Variants in TECPR2 observed in about 807,000 individuals in gnomAD.
TECPR2 encodes the protein tectonin beta-propeller repeat containing 2, also known as tectonin beta-propeller repeat-containing protein 2.
TECPR2 carries 65 observed loss-of-function variants against 138.1 expected under a neutral mutation model. That is an observed-to-expected ratio of 0.47 (90% CI 0.39 to 0.58). The LOEUF (loss-of-function observed/expected upper bound fraction) is 0.58, where lower values mean the gene tolerates loss of function less well. TECPR2 is among the 20% of genes least tolerant of loss of function. The probability of loss-of-function intolerance (pLI) is 0.00; values close to 1 mark genes in which losing one functional copy is unlikely to be tolerated. For missense variants in TECPR2, 1,553 were observed against 1,824.5 expected (o/e 0.85, Z 2.71); for synonymous variants, 746 against 749.8 (o/e 0.99, Z 0.08).
In TECPR2 at chr14:102,420,220, A is replaced by G. The variant is rs877105; in HGVS notation, c.639-4759A>G. Among the ~76,000 whole-genome samples, 5,297 of 152,286 alleles carry G rather than the reference A, an allele frequency of 0.035. 107 individuals are homozygous for G. Among genetic ancestry groups the G allele is most frequent in the Middle Eastern group, 0.092 (27 of 294 alleles). On this transcript the variant is annotated intron_variant, in intron 5 of 19. Transcript: ENST00000359520. The surrounding 1 kb of genome is among the most constrained non-coding windows in gnomAD (Gnocchi z 4.1). ...GAATTAAAATTTTTTTAGGTAATCA[A>G]TGAGGTTTTTGGAAATCATCTCTAC...
chr14:102,377,607 G>A (rs975371562), intron 2 of TECPR2, among the ~76,000 whole-genome samples: 2 of 152,174 alleles, frequency 1.3e-5, no homozygotes, highest in Admixed American at 1.3e-4. Context: ...TCAGGAGGCT[G>A]AGACAGGAGA....
intron 13 of TECPR2, among the ~76,000 whole-genome samples, chr14:102,448,728 G>A (rs112077627): frequency 1.8e-3 from 275 of 152,128 alleles, no homozygotes; most frequent in African/African-American, 6.2e-3. Flanking sequence ...TTAGCCGGCT[G>A]TTGTGGCGTG....
At chr14:102,402,819 A>G (rs1888527754) in intron 2 of TECPR2, among the ~76,000 whole-genome samples, 1 of 152,174 alleles carries the variant, frequency 6.6e-6, no homozygotes, top group African/African-American at 2.4e-5. Flanking sequence ...AGAAACACAA[A>G]ACCTACTGAG....
At chr14:102,367,903 TAGTGGGTATGA>T (rs1329969712) in intron 1 of TECPR2, among the ~76,000 whole-genome samples, 2 of 151,250 alleles carry the variant, frequency 1.3e-5, no homozygotes, top group African/African-American at 2.4e-5. Flanking sequence ...GTTCATACCC[TAGTGGGTATGA>T]AGTGGTATCT....
At chr14:102,377,305 C>T (rs1235379285) in intron 2 of TECPR2, among the ~76,000 whole-genome samples, 2 of 152,178 alleles carry the variant, frequency 1.3e-5, no homozygotes, top group African/African-American at 2.4e-5. Context: ...ACAGGGATGA[C>T]TGCCACACCC....
chr14:102,424,748 G>T (rs961409291), intron 5 of TECPR2, among the ~76,000 whole-genome samples: 3 of 152,194 alleles, frequency 2.0e-5, no homozygotes, highest in Non-Finnish European at 4.4e-5. Context: ...CTCAGTGAAT[G>T]GTTCCCTGTG....
intron 1 of TECPR2, among the ~76,000 whole-genome samples, chr14:102,367,829 G>C (rs1887385188): frequency 6.6e-6 from 1 of 151,984 alleles, no homozygotes; most frequent in South Asian, 2.1e-4. Flanking sequence ...GCCCACTGGT[G>C]GCTGCACCAT....
intron 16 of TECPR2, among the ~76,000 whole-genome samples, chr14:102,457,748 T>C (rs988836168): frequency 9.2e-5 from 14 of 151,890 alleles, no homozygotes; most frequent in African/African-American, 2.9e-4. Context: ...CAGTAGGGGG[T>C]GCACACAGCA....
intron 2 of TECPR2, among the ~76,000 whole-genome samples, chr14:102,397,582 AC>A (rs1354058509): frequency 1.3e-5 from 2 of 151,296 alleles, no homozygotes; most frequent in Admixed American, 6.6e-5. Context: ...CCCTGTCTCT[AC>A]TAAAAATACA....
At chr14:102,424,684 G>T (rs1889266722) in intron 5 of TECPR2, among the ~76,000 whole-genome samples, 1 of 152,184 alleles carries the variant, frequency 6.6e-6, no homozygotes, top group African/African-American at 2.4e-5. Flanking sequence ...TTGTTGTAAG[G>T]ATTAGACACG....
rs1473569032 is a variant in TECPR2 at position 102,384,699 on chromosome 14, A to ATG, written c.219+7773_219+7774dup. Among the ~76,000 whole-genome samples the ATG allele has an allele frequency of 3.6e-4, 52 of 145,504 alleles. 2 individuals carry two copies. The highest frequency in any genetic ancestry group is 4.5e-4 in the African/African-American group (17 of 38,030). ...CTCAAAAAAAAATATATATATATAT[A>ATG]TGTGTGTGTGTGTGTATATATATAT... is the stretch of plus-strand genomic sequence containing the variant. On this transcript the variant is annotated intron_variant, in intron 2 of 19. Coordinates refer to ENST00000359520, the MANE Select transcript of TECPR2 (RefSeq NM_014844.5).
chr14:102,435,567 G>A (rs1437360352), intron 9 of TECPR2, among the ~76,000 whole-genome samples: 1 of 152,194 alleles, frequency 6.6e-6, no homozygotes, highest in Non-Finnish European at 1.5e-5. Flanking sequence ...AGTGGGCAGA[G>A]GACTGTCCAC....
intron 8 of TECPR2, among the ~76,000 whole-genome samples, chr14:102,433,197 A>G (rs1889559727): frequency 6.6e-6 from 1 of 151,192 alleles, no homozygotes; most frequent in Non-Finnish European, 1.5e-5. Context: ...TTTTTTTTCA[A>G]CTTTTATTTT....
At chr14:102,483,042 G>A (rs1256234480) in intron 17 of TECPR2, among the ~76,000 whole-genome samples, 2 of 150,564 alleles carry the variant, frequency 1.3e-5, no homozygotes, top group Admixed American at 1.3e-4. Context: ...TAGTAGAGAT[G>A]GGGTTTCACC....
chr14:102,445,328 T>C (rs1300909163), intron 12 of TECPR2, among the ~76,000 whole-genome samples: 5 of 150,790 alleles, frequency 3.3e-5, no homozygotes, highest in Admixed American at 2.6e-4. Context: ...ATTCCCTTGG[T>C]GAGGGAGGGA....
At position 102,467,632 on chromosome 14, in the gene TECPR2, A is replaced by G. The variant is rs115700849; in HGVS notation, c.3789+2343A>G. Among the ~76,000 whole-genome samples the G allele has an allele frequency of 8.1e-3, 1,223 of 151,452 alleles. 17 individuals carry two copies. Among genetic ancestry groups the G allele is most frequent in the African/African-American group, 0.028 (1,162 of 41,268 alleles). On this transcript the variant is annotated intron_variant, in intron 17 of 19. Transcript: ENST00000359520. The stretch of plus-strand genomic sequence containing the variant: ...TGAGCCACTGCGCCTGGCCTTTCCA[A>G]TTTTTTGTTGTTATTTTATTTTTCT...
chr14:102,416,955 G>T (rs1340120356), intron 5 of TECPR2, among the ~76,000 whole-genome samples: 1 of 152,176 alleles, frequency 6.6e-6, no homozygotes, highest in African/African-American at 2.4e-5. Context: ...CCGCACTCCA[G>T]CCTGGGTGAC....
intron 2 of TECPR2, among the ~76,000 whole-genome samples, chr14:102,405,470 AC>A (rs1888633879): frequency 2.0e-5 from 3 of 152,088 alleles, no homozygotes; most frequent in African/African-American, 7.2e-5. Context: ...TCAAAACTAT[AC>A]CCCACACCCA....
Position 102,466,672 on chromosome 14 carries a change from G to A in TECPR2, c.3789+1383G>A, listed in dbSNP as rs139282343. ...TATTTTTCCTTTTAAGTTACAACCC[G>A]CATAACATAAAATTTCAGCCTTCTA... On this transcript the variant is annotated intron_variant, in intron 17 of 19. Coordinates refer to ENST00000359520, the MANE Select transcript of TECPR2 (RefSeq NM_014844.5). Among the ~76,000 whole-genome samples, 277 of 152,050 alleles carry A rather than the reference G, an allele frequency of 1.8e-3. 2 individuals are homozygous for A. The highest frequency in any genetic ancestry group is 6.1e-3 in the African/African-American group (252 of 41,454).
Sources: gnomAD v4.1 joint callset for allele counts (sites outside exome capture counted in the v4.1 genomes callset) on GRCh38, gnomAD v4.1.1 for gene constraint, Gnocchi (gnomAD v3.1) non-coding constraint, MANE v1.5 for transcripts, NCBI Gene and HGNC (gene_info 2026-07-23, HGNC 2026-07-21) for gene names.